TRHDE: variants seen among roughly 807,000 people sequenced by gnomAD.
TRHDE encodes thyrotropin releasing hormone degrading enzyme, also known as thyrotropin-releasing hormone-degrading ectoenzyme.
A neutral mutation model predicts 125.7 loss-of-function variants in TRHDE; 72 were observed. The observed-to-expected ratio is 0.57, with a 90% CI of 0.47 to 0.70. The LOEUF (loss-of-function observed/expected upper bound fraction) is 0.70. Among genes scored for constraint, TRHDE ranks in the 30% least tolerant of loss-of-function variants. The pLI, the probability that TRHDE is intolerant of heterozygous loss-of-function variation, is 0.00. For synonymous variants in TRHDE, 509 were observed against 509.1 expected (o/e 1.00, Z 0.00); for missense variants, 1,110 against 1,327.1 (o/e 0.84, Z 2.54).
chr12:72,124,730 C>T (rs1484829), intron 2 of TRHDE, among the ~76,000 whole-genome samples: 40 of 152,186 alleles, frequency 2.6e-4, no homozygotes, highest in African/African-American at 8.7e-4. Flanking sequence ...GTGCTATAAA[C>T]GTTATGAGCA....
At chr12:72,096,078 T>G (rs1874908768) in intron 1 of TRHDE, among the ~76,000 whole-genome samples, 1 of 151,534 alleles carries the variant, frequency 6.6e-6, no homozygotes, top group African/African-American at 2.4e-5. Flanking sequence ...TTTGGACTTG[T>G]CAGCCTCCAT....
At chr12:72,544,411 G>T (rs1004299784) in intron 7 of TRHDE, among the ~76,000 whole-genome samples, 1 of 151,496 alleles carries the variant, frequency 6.6e-6, no homozygotes, top group Non-Finnish European at 1.5e-5. Flanking sequence ...ACTTATCTCT[G>T]CTGGAAAACC....
chr12:72,469,014 G>A (rs1876516058), intron 3 of TRHDE, among the ~76,000 whole-genome samples: 1 of 152,176 alleles, frequency 6.6e-6, no homozygotes, highest in Non-Finnish European at 1.5e-5. Context: ...TTTAAAATAA[G>A]CACAGATCTT....
At chr12:72,349,558 G>T (rs28425555) in intron 2 of TRHDE, among the ~76,000 whole-genome samples, 3 of 151,630 alleles carry the variant, frequency 2.0e-5, no homozygotes, top group Non-Finnish European at 2.9e-5. Flanking sequence ...TTTTGGGCGG[G>T]GGGGTGGTGT....
At chr12:72,152,358 T>C (rs1311278979) in intron 2 of TRHDE, among the ~76,000 whole-genome samples, 2 of 151,910 alleles carry the variant, frequency 1.3e-5, no homozygotes, top group Non-Finnish European at 2.9e-5. Context: ...ACAATTTGAC[T>C]TCCTCTTTTC....
chr12:72,236,296 A>T (rs1156847080), intron 2 of TRHDE, among the ~76,000 whole-genome samples: 1 of 152,224 alleles, frequency 6.6e-6, no homozygotes, highest in Non-Finnish European at 1.5e-5. Flanking sequence ...TATTCATGTG[A>T]CTCACCAGTT....
intron 12 of TRHDE, among the ~76,000 whole-genome samples, chr12:72,577,553 C>T (rs1871052821): frequency 6.6e-6 from 1 of 151,964 alleles, no homozygotes; most frequent in Non-Finnish European, 1.5e-5. Context: ...TCGAGGCAGT[C>T]GTTCATGTGA....
chr12:72,164,967 A>G (rs1876713001), intron 2 of TRHDE, among the ~76,000 whole-genome samples: 1 of 152,194 alleles, frequency 6.6e-6, no homozygotes, highest in African/African-American at 2.4e-5. Context: ...CATTATTGCT[A>G]TCAGGTGCAT....
intron 2 of TRHDE, among the ~76,000 whole-genome samples, chr12:72,328,639 C>T (rs1869447914): frequency 6.6e-6 from 1 of 151,994 alleles, no homozygotes; most frequent in Non-Finnish European, 1.5e-5. Context: ...TAGAGATAAA[C>T]TGTACTACAC....
chr12:72,221,038 C>A (rs1328643215), intron 2 of TRHDE, among the ~76,000 whole-genome samples: 2 of 151,902 alleles, frequency 1.3e-5, no homozygotes, highest in East Asian at 3.9e-4. Context: ...AAGGAGGCAG[C>A]AATATTATAA....
intron 3 of TRHDE, among the ~76,000 whole-genome samples, chr12:72,455,831 A>AC (rs1875815445): frequency 6.6e-6 from 1 of 152,062 alleles, no homozygotes; most frequent in Non-Finnish European, 1.5e-5. Flanking sequence ...GACAGAACCC[A>AC]CAAGTATAGC....
At chr12:72,534,946 G>A (rs1276159389) in intron 6 of TRHDE, among the ~76,000 whole-genome samples, 1 of 151,904 alleles carries the variant, frequency 6.6e-6, no homozygotes, top group Non-Finnish European at 1.5e-5. Context: ...TGGTCACATG[G>A]AAAAAAGCAT....
intron 2 of TRHDE, among the ~76,000 whole-genome samples, chr12:72,288,726 G>A (rs1592521520): frequency 6.6e-6 from 1 of 152,032 alleles, no homozygotes; most frequent in East Asian, 1.9e-4. Flanking sequence ...AAACAATTAT[G>A]CTTGTTGCTA....
intron 1 of TRHDE, among the ~76,000 whole-genome samples, chr12:72,096,600 T>C (rs1268349689): frequency 1.3e-5 from 2 of 152,234 alleles, no homozygotes; most frequent in African/African-American, 4.8e-5. Flanking sequence ...TTGGTTGTTT[T>C]TGTTCTGTCC....
chr12:72,555,392 A>G (rs1291776564), intron 7 of TRHDE, among the ~76,000 whole-genome samples: 2 of 152,096 alleles, frequency 1.3e-5, no homozygotes, highest in Non-Finnish European at 1.5e-5. Context: ...TTGAACTGCT[A>G]TACCTCAAAA....
At chr12:72,179,995 C>G (rs1045954893) in intron 2 of TRHDE, among the ~76,000 whole-genome samples, 1 of 151,788 alleles carries the variant, frequency 6.6e-6, no homozygotes, top group East Asian at 1.9e-4. Context: ...CTAATTAATA[C>G]TATCTAATAA....
intron 5 of TRHDE, among the ~76,000 whole-genome samples, chr12:72,488,293 A>G (rs2135922559): frequency 6.6e-6 from 1 of 152,222 alleles, no homozygotes; most frequent in African/African-American, 2.4e-5. Context: ...AAGGAGACAC[A>G]CAGGCTGAGA....
intron 2 of TRHDE, among the ~76,000 whole-genome samples, chr12:72,235,983 A>G (rs990507430): frequency 1.3e-5 from 2 of 152,080 alleles, no homozygotes; most frequent in Non-Finnish European, 2.9e-5. Flanking sequence ...TGATGGCATG[A>G]TTTTCCCAGA....
At chr12:72,519,883 G>T (rs1397464876) in intron 6 of TRHDE, among the ~76,000 whole-genome samples, 1 of 152,156 alleles carries the variant, frequency 6.6e-6, no homozygotes, top group Non-Finnish European at 1.5e-5. Context: ...TCAGCTGCAG[G>T]TCTGTTGGAG....
Sources: allele counts gnomAD v4.1 joint callset (sites outside exome capture counted in the v4.1 genomes callset), GRCh38; gene constraint gnomAD v4.1.1; transcripts MANE v1.5; gene names NCBI Gene and HGNC (gene_info 2026-07-23, HGNC 2026-07-21).